TM4SF4: variants seen among roughly 807,000 people sequenced by gnomAD.
TM4SF4 encodes transmembrane 4 L6 family member 4.
In TM4SF4, 24 loss-of-function variants were observed where a neutral mutation model predicts 24.1. The observed-to-expected ratio is 1.00, with a 90% CI of 0.72 to 1.40. The LOEUF is 1.40. Among genes scored for constraint, TM4SF4 ranks in the 40% most tolerant of loss-of-function variants. TM4SF4 has a pLI of 0.00. For synonymous variants in TM4SF4, 113 were observed against 97.0 expected (o/e 1.17, Z -0.97); for missense variants, 254 against 254.2 (o/e 1.00, Z 0.01).
At chr3:149,491,632 C>G (rs1028323804) in intron 3 of TM4SF4, among the ~76,000 whole-genome samples, 3 of 152,046 alleles carry the variant, frequency 2.0e-5, no homozygotes, top group Non-Finnish European at 4.4e-5. Flanking sequence ...TGAAGCCTAT[C>G]TCAAACATGG....
At chr3:149,482,473 G>T (rs551942027) in intron 2 of TM4SF4, among the ~76,000 whole-genome samples, 2 of 152,254 alleles carry the variant, frequency 1.3e-5, no homozygotes, top group Admixed American at 1.3e-4. Context: ...CAGGACTTTT[G>T]CCTATTTACT....
chr3:149,479,467 C>T (rs1388185800), intron 2 of TM4SF4, among the ~76,000 whole-genome samples: 2 of 151,980 alleles, frequency 1.3e-5, no homozygotes, highest in African/African-American at 4.8e-5. Flanking sequence ...CCCACTCAGC[C>T]TCCTGAGTAG....
Position 149,482,483 on chromosome 3 carries a change from T to C in TM4SF4, c.265-5136T>C, listed in dbSNP as rs372914081. Among the ~76,000 whole-genome samples the C allele has an allele frequency of 5.4e-4, 82 of 152,326 alleles. 2 individuals are homozygous for C. In the South Asian group the frequency reaches 0.017, roughly 32 times the overall value. On this transcript the variant is annotated intron_variant, in intron 2 of 4. Coordinates refer to ENST00000305354, the MANE Select transcript of TM4SF4 (RefSeq NM_004617.4). ...TATCCCAGGACTTTTGCCTATTTAC[T>C]GTAAATAATACCAATTTTGAAGTGT...
In TM4SF4 at chr3:149,487,609, T is replaced by A. The variant is rs1445261001; in HGVS notation, c.265-10T>A. 6.2e-7 allele frequency: 1 copy of A among 1,613,996 alleles called. No individual in the cohort carries two copies. ...TGGAGAATGTGACTGTCTCTCTTCC[T>A]CTCTTTCAGATGTTCACCTCCACGA... is the stretch of plus-strand genomic sequence containing the variant. On this transcript the variant is annotated splice_polypyrimidine_tract_variant and intron_variant, in intron 2 of 4. Transcript: ENST00000305354.
chr3:149,497,811 A>T (rs1468739637), intron 3 of TM4SF4, among the ~76,000 whole-genome samples: 1 of 151,988 alleles, frequency 6.6e-6, no homozygotes, highest in Non-Finnish European at 1.5e-5. Flanking sequence ...TGCCCAGCTA[A>T]TTTTTGTATT....
chr3:149,502,615 GA>G, intron 4 of TM4SF4, 60 bp from the exon 5 acceptor site: 1 of 1,337,700 alleles, frequency 7.5e-7, no homozygotes, highest in South Asian at 1.2e-5. Context: ...GGAAGGAGGG[GA>G]AAAGCAAAAA....
In TM4SF4 at chr3:149,495,809, C is replaced by T. The variant is rs1206548250; in HGVS notation, c.402-2913C>T. 5 of 207,898 alleles carry T rather than the reference C, an allele frequency of 2.4e-5. No homozygotes were observed. In the East Asian group the frequency reaches 5.0e-4, roughly 21 times the overall value. The allele number at this position is 207,898 out of a possible 1,614,324, so 12.9% of individuals were successfully genotyped here. Reference sequence around the variant, plus strand: ...CTTAAATTCTCGAAATCCGGTGATGCTGCCATCATCAATGTGGTTCCTGGG... The same window carrying T: ...CTTAAATTCTCGAAATCCGGTGATGTTGCCATCATCAATGTGGTTCCTGGG... On this transcript the variant is annotated intron_variant, in intron 3 of 4. Coordinates refer to ENST00000305354, the MANE Select transcript of TM4SF4 (RefSeq NM_004617.4).
At chr3:149,499,034 C>A in intron 4 of TM4SF4, 123 bp downstream of exon 4, 1 of 988,242 alleles carries the variant, frequency 1.0e-6, no homozygotes, top group Non-Finnish European at 1.5e-6. Flanking sequence ...TGGCCACCTG[C>A]AGAAAACCAG....
chr3:149,499,902 T>C (rs1301763326), intron 4 of TM4SF4, among the ~76,000 whole-genome samples: 1 of 152,116 alleles, frequency 6.6e-6, no homozygotes, highest in African/African-American at 2.4e-5. Flanking sequence ...ATACATTTAT[T>C]TTAAATAAGC....
intron 2 of TM4SF4, among the ~76,000 whole-genome samples, chr3:149,486,400 C>A (rs1734116280): frequency 1.3e-5 from 2 of 152,170 alleles, no homozygotes; most frequent in Non-Finnish European, 2.9e-5. Context: ...TGACTTTAAA[C>A]CCTGTGCTTC....
Position 149,502,676 on chromosome 3 carries a change from G to A in TM4SF4, c.592G>A (p.Gly198Arg), listed in dbSNP as rs768235005. 6.2e-7 allele frequency: 1 copy of A among 1,605,200 alleles called. No homozygotes were observed. Among genetic ancestry groups the A allele is most frequent in the Non-Finnish European group, 8.5e-7 (1 of 1,172,418 alleles). ...GDCQCCGCCGGDGPV is the reference protein window; with the variant it reads ...GDCQCCGCCGRDGPV ...TTAATTCACCTTTTCTACCTTCTAG[G>A]GAGATGGACCCGTTTAAACCTCCGA... The change falls in exon 5 of 5, where the codon GGA (glycine) becomes AGA (arginine). Residue 198 changes from glycine to arginine, a missense_variant and splice_region_variant. By Grantham distance (125) the Gly-to-Arg change is moderately radical (BLOSUM62 -2). Transcript: ENST00000305354.
intron 2 of TM4SF4, among the ~76,000 whole-genome samples, chr3:149,486,342 A>T (rs1734115393): frequency 6.6e-6 from 1 of 152,240 alleles, no homozygotes; most frequent in Non-Finnish European, 1.5e-5. Flanking sequence ...AAGTCATTAC[A>T]CAGAGAAGAC....
At chr3:149,485,604 T>G (rs1734101166) in intron 2 of TM4SF4, among the ~76,000 whole-genome samples, 1 of 152,162 alleles carries the variant, frequency 6.6e-6, no homozygotes, top group African/African-American at 2.4e-5. Flanking sequence ...TTCAAGGAAC[T>G]TGTGCTCTAT....
intron 2 of TM4SF4, among the ~76,000 whole-genome samples, chr3:149,482,870 T>C (rs1734059302): frequency 6.6e-6 from 1 of 152,252 alleles, no homozygotes; most frequent in Admixed American, 6.5e-5. Context: ...TTTTGTGTCA[T>C]GAAACCCATG....
chr3:149,476,814 G>GTTTTT (rs67092416), intron 2 of TM4SF4, among the ~76,000 whole-genome samples: 3 of 81,210 alleles, frequency 3.7e-5, no homozygotes, highest in African/African-American at 9.5e-5. Flanking sequence ...TTTTGTTTTT[G>GTTTTT]TTTTTTTTTT....
chr3:149,502,708 C>T lies in TM4SF4; in HGVS notation c.*15C>T. 6.3e-7 allele frequency: 1 copy of T among 1,582,372 alleles called. No homozygotes were observed. Among genetic ancestry groups the T allele is most frequent in the Non-Finnish European group, 8.7e-7 (1 of 1,152,042 alleles). On this transcript the variant is annotated 3_prime_UTR_variant, in exon 5 of 5. Transcript: ENST00000305354. Reference sequence around the variant, plus strand: ...GACCCGTTTAAACCTCCGAGATGAGCTGCTCAGACTCTACAGCATGACGAC... The same window carrying T: ...GACCCGTTTAAACCTCCGAGATGAGTTGCTCAGACTCTACAGCATGACGAC...
intron 3 of TM4SF4, among the ~76,000 whole-genome samples, chr3:149,496,802 T>G (rs1187436636): frequency 6.6e-6 from 1 of 151,734 alleles, no homozygotes; most frequent in Non-Finnish European, 1.5e-5. Context: ...CACACAACTA[T>G]ACAGAAGGTA....
In TM4SF4 at chr3:149,503,319, C is replaced by T. The variant is rs1378108927; in HGVS notation, c.*626C>T. The T allele has an allele frequency of 2.6e-5, 4 of 152,038 alleles. No individual in the cohort carries two copies. The highest frequency in any genetic ancestry group is 4.4e-5 in the Non-Finnish European group (3 of 68,022). The allele number at this position is 152,038 out of a possible 1,614,324, so 9.4% of individuals were successfully genotyped here. On this transcript the variant is annotated 3_prime_UTR_variant, in exon 5 of 5. Coordinates refer to ENST00000305354, the MANE Select transcript of TM4SF4 (RefSeq NM_004617.4). ...GTGTGTTTTAGGAGGGGGGACAAAA[C>T]GTTGAATGAATAACAACTCATCTTT...
At chr3:149,477,043 G>T (rs183449996) in intron 2 of TM4SF4, among the ~76,000 whole-genome samples, 56 of 151,888 alleles carry the variant, frequency 3.7e-4, no homozygotes, top group Non-Finnish European at 7.5e-4. Context: ...CAAGCAATCC[G>T]CCCACCTGAG....
Sources: allele counts gnomAD v4.1 joint callset (sites outside exome capture counted in the v4.1 genomes callset), GRCh38; gene constraint gnomAD v4.1.1; transcripts MANE v1.5; gene names NCBI Gene and HGNC (gene_info 2026-07-23, HGNC 2026-07-21).